The following RPS6KC1 variants were observed in gnomAD, a reference collection of about 807,000 sequenced individuals.
The protein encoded by RPS6KC1 is inactive ribosomal protein S6 kinase delta-1.
RPS6KC1 carries 54 observed loss-of-function variants against 103.8 expected under a neutral mutation model. That is an observed-to-expected ratio of 0.52 (90% confidence interval 0.42 to 0.65). The LOEUF (loss-of-function observed/expected upper bound fraction) is 0.65. Ranked by LOEUF, RPS6KC1 falls within the 30% of genes least tolerant of loss-of-function variation. RPS6KC1 has a pLI of 0.00. For missense variants in RPS6KC1, 1,151 were observed against 1,253.8 expected, an observed-to-expected ratio of 0.92 and a Z score of 1.24; for synonymous variants, 439 against 438.7, an observed-to-expected ratio of 1.00 and a Z score of -0.01.
At chr1:213,830,830 C>T in the RPS6KC1 span, among the ~76,000 whole-genome samples, 1 of 152,244 alleles carries the variant, frequency 6.6e-6, no homozygotes, top group African/African-American at 2.4e-5. Context: ...CCTCAGAAAG[C>T]CAGGGGAGTA....
intron 7 of RPS6KC1, among the ~76,000 whole-genome samples, chr1:213,173,542 T>G (rs1373273863): frequency 1.3e-5 from 2 of 152,252 alleles, no homozygotes; most frequent in African/African-American, 4.8e-5. Flanking sequence ...TTTGAACAAC[T>G]TTTCCCCAAC....
At chr1:213,851,983 C>G in the RPS6KC1 span, among the ~76,000 whole-genome samples, 1 of 152,160 alleles carries the variant, frequency 6.6e-6, no homozygotes, top group African/African-American at 2.4e-5. Flanking sequence ...CCTCTGTGCT[C>G]TGAATGTTTT....
chr1:213,696,649 T>G, the RPS6KC1 span, among the ~76,000 whole-genome samples: 1 of 152,124 alleles, frequency 6.6e-6, no homozygotes, highest in Non-Finnish European at 1.5e-5. Flanking sequence ...TGAGTACACC[T>G]CTTAATTCCA....
chr1:213,163,205 A>C (rs1457243189), intron 6 of RPS6KC1, among the ~76,000 whole-genome samples: 1 of 152,232 alleles, frequency 6.6e-6, no homozygotes, highest in Non-Finnish European at 1.5e-5. Context: ...CAACAACAAC[A>C]AAAAAGAAGG....
intron 8 of RPS6KC1, among the ~76,000 whole-genome samples, chr1:213,197,614 C>G (rs992449527): frequency 1.3e-5 from 2 of 152,024 alleles, no homozygotes; most frequent in African/African-American, 4.8e-5. Context: ...TCAGCTTGGT[C>G]ACTGTTGGTG....
At chr1:213,056,278 G>A (rs146950629) in intron 1 of RPS6KC1, among the ~76,000 whole-genome samples, 4 of 152,292 alleles carry the variant, frequency 2.6e-5, no homozygotes, top group African/African-American at 9.6e-5. Context: ...TGAGGAAATT[G>A]AGGCACAGAG....
At chr1:213,701,628 G>A in the RPS6KC1 span, among the ~76,000 whole-genome samples, 1 of 151,890 alleles carries the variant, frequency 6.6e-6, no homozygotes, top group Non-Finnish European at 1.5e-5. Context: ...ATTTCTTCAT[G>A]GTTCAATCTT....
the RPS6KC1 span, among the ~76,000 whole-genome samples, chr1:213,576,800 C>T: frequency 1.1e-4 from 17 of 152,232 alleles, 2 homozygotes; most frequent in South Asian, 3.3e-3. Context: ...TGAGAAAGGC[C>T]TATCAAAAGC....
At chr1:213,715,918 T>C in the RPS6KC1 span, among the ~76,000 whole-genome samples, 1 of 152,222 alleles carries the variant, frequency 6.6e-6, no homozygotes, top group African/African-American at 2.4e-5. Flanking sequence ...AAGATTTGAA[T>C]GCTTTTAAAT....
chr1:213,459,462 G>A, the RPS6KC1 span, among the ~76,000 whole-genome samples: 543 of 151,918 alleles, frequency 3.6e-3, 2 homozygotes, highest in African/African-American at 0.012. Flanking sequence ...CACTTCTTAT[G>A]GTGTCTATTT....
chr1:213,152,989 G>T (rs2089401392), intron 6 of RPS6KC1, among the ~76,000 whole-genome samples: 1 of 152,252 alleles, frequency 6.6e-6, no homozygotes, highest in South Asian at 2.1e-4. Flanking sequence ...TGCAATCCCG[G>T]CACCTCAGGA....
the RPS6KC1 span, among the ~76,000 whole-genome samples, chr1:213,651,845 G>T: frequency 9.8e-4 from 150 of 152,332 alleles, no homozygotes; most frequent in African/African-American, 3.5e-3. Context: ...GGAAGAGACT[G>T]AGTTTTGAGC....
At chr1:213,367,969 A>G in the RPS6KC1 span, among the ~76,000 whole-genome samples, 3 of 152,210 alleles carry the variant, frequency 2.0e-5, no homozygotes, top group African/African-American at 7.2e-5. Flanking sequence ...TGATTATTCA[A>G]TGCACATCTG....
chr1:213,729,260 C>T, the RPS6KC1 span, among the ~76,000 whole-genome samples: 2 of 152,094 alleles, frequency 1.3e-5, no homozygotes, highest in African/African-American at 4.8e-5. Context: ...CTGTCATCCA[C>T]ATCCTCGGGT....
At chr1:213,556,646 G>C in the RPS6KC1 span, among the ~76,000 whole-genome samples, 1 of 152,226 alleles carries the variant, frequency 6.6e-6, no homozygotes, top group Non-Finnish European at 1.5e-5. Context: ...TGCAGATTTA[G>C]AGGTTTGTCC....
At chr1:213,445,902 T>C in the RPS6KC1 span, among the ~76,000 whole-genome samples, 1 of 152,166 alleles carries the variant, frequency 6.6e-6, no homozygotes, top group African/African-American at 2.4e-5. Context: ...ATCTCCATTC[T>C]ATAGACTGAG....
chr1:213,301,682 G>A, the RPS6KC1 span, among the ~76,000 whole-genome samples: 1 of 151,492 alleles, frequency 6.6e-6, no homozygotes, highest in African/African-American at 2.4e-5. Flanking sequence ...CTAGGTGACA[G>A]AGCAAGACCC....
chr1:213,499,754 A>G, the RPS6KC1 span, among the ~76,000 whole-genome samples: 1 of 152,066 alleles, frequency 6.6e-6, no homozygotes, highest in Non-Finnish European at 1.5e-5. Flanking sequence ...GCTATGTGCT[A>G]TAGCCTATTG....
chr1:213,509,878 T>C, the RPS6KC1 span, among the ~76,000 whole-genome samples: 1 of 152,262 alleles, frequency 6.6e-6, no homozygotes, highest in Non-Finnish European at 1.5e-5. Context: ...TAGATGTATC[T>C]CTTTTATTGA....
Sources: allele counts gnomAD v4.1 joint callset (sites outside exome capture counted in the v4.1 genomes callset), GRCh38; gene constraint gnomAD v4.1.1; transcripts MANE v1.5; gene names NCBI Gene and HGNC (gene_info 2026-07-23, HGNC 2026-07-21).